TAF12: variants seen among roughly 807,000 people sequenced by gnomAD.
TAF12 encodes transcription initiation factor TFIID subunit 12.
A neutral mutation model predicts 20.8 loss-of-function variants in TAF12; 3 were observed. The ratio of observed to expected loss-of-function variants is 0.14; its 90% CI spans 0.07 to 0.37. TAF12 has a LOEUF of 0.37. Among genes scored for constraint, TAF12 ranks in the 10% least tolerant of loss-of-function variants. The probability of loss-of-function intolerance (pLI) is 1.00; values close to 1 mark genes in which losing one functional copy is unlikely to be tolerated. For synonymous variants in TAF12, 69 were observed against 70.2 expected, an observed-to-expected ratio of 0.98 and a Z score of 0.09; for missense variants, 131 against 197.9, an observed-to-expected ratio of 0.66 and a Z score of 2.03.
intron 2 of TAF12, among the ~76,000 whole-genome samples, chr1:28,618,872 C>G (rs912052319): frequency 5.9e-5 from 9 of 152,080 alleles, no homozygotes; most frequent in Admixed American, 3.3e-4. Context: ...ATGTTACATA[C>G]GTATGCCATT....
upstream of TAF12, among the ~76,000 whole-genome samples, chr1:28,644,709 A>C (rs1668139897): frequency 6.6e-6 from 1 of 152,260 alleles, no homozygotes; most frequent in Non-Finnish European, 1.5e-5. Context: ...CATGGTCTTC[A>C]GTAAGGAAAA....
upstream of TAF12, chr1:28,648,113 G>T: frequency 3.1e-6 from 3 of 969,870 alleles, no homozygotes; most frequent in Non-Finnish European, 3.7e-6. Context: ...GCCTGCCTGG[G>T]CTGCTCCAAG....
intron 1 of TAF12, 135 bp from the exon 2 acceptor site, chr1:28,622,300 A>G: frequency 1.3e-6 from 1 of 776,834 alleles, no homozygotes; most frequent in Non-Finnish European, 1.7e-6. Flanking sequence ...TGGTAGCATC[A>G]CTTGAGCCCA....
At position 28,621,973 on chromosome 1, in the gene TAF12, C is replaced by T. The variant is rs190752579; in HGVS notation, c.109G>A (p.Val37Met). 3.1e-5 allele frequency: 50 copies of T among 1,614,074 alleles called. No homozygotes were observed. In the African/African-American group the frequency reaches 6.3e-4, roughly 20 times the overall value. The change falls in exon 2 of 6, where the codon GTG (valine) becomes ATG (methionine). Residue 37 changes from valine (V) to methionine (M), a missense_variant. By Grantham distance (21) the Val-to-Met change is conservative. Coordinates refer to ENST00000373824, the MANE Select transcript of TAF12 (RefSeq NM_005644.4). ...PQGSMANSTA[V>M]VKIPGTPGAG... ...CCAGGAGTGCCTGGTATCTTTACCA[C>T]TGCAGTACTATTGGCCATGGAGCCT... is the stretch of plus-strand genomic sequence containing the variant.
At chr1:28,627,884 C>G (rs1006136600) in intron 1 of TAF12, among the ~76,000 whole-genome samples, 3 of 151,902 alleles carry the variant, frequency 2.0e-5, no homozygotes, top group African/African-American at 7.3e-5. Flanking sequence ...AACCAGACAC[C>G]CCCTGGTGCC....
intron 2 of TAF12, among the ~76,000 whole-genome samples, chr1:28,620,323 G>A (rs1667173295): frequency 6.6e-6 from 1 of 151,754 alleles, no homozygotes; most frequent in African/African-American, 2.4e-5. Context: ...TAGTAGAGAT[G>A]GGGTTTCAGC....
intron 1 of TAF12, among the ~76,000 whole-genome samples, chr1:28,637,609 G>C (rs550630555): frequency 1.1e-4 from 17 of 150,698 alleles, no homozygotes; most frequent in African/African-American, 4.1e-4. Context: ...AGGTTGCAGT[G>C]AGCCGAGATC....
chr1:28,608,818 G>A (rs913012705), intron 4 of TAF12, among the ~76,000 whole-genome samples: 3 of 151,766 alleles, frequency 2.0e-5, no homozygotes, highest in African/African-American at 7.3e-5. Flanking sequence ...GGGCGCCTAC[G>A]TAATCCCAGT....
intron 1 of TAF12, among the ~76,000 whole-genome samples, chr1:28,629,651 G>C (rs1667551670): frequency 6.6e-6 from 1 of 151,822 alleles, no homozygotes; most frequent in Non-Finnish European, 1.5e-5. Flanking sequence ...TTTTTTGTTT[G>C]TTTGTTTGCA....
At chr1:28,646,554 G>A (rs909225903), upstream of TAF12, among the ~76,000 whole-genome samples, 21 of 151,402 alleles carry the variant, frequency 1.4e-4, no homozygotes, top group East Asian at 3.9e-4. Flanking sequence ...TTTTTGAGAC[G>A]GAGTTCGCTC....
chr1:28,620,137 A>T (rs961358809), intron 2 of TAF12, among the ~76,000 whole-genome samples: 9 of 146,228 alleles, frequency 6.2e-5, no homozygotes, highest in South Asian at 2.2e-4. Context: ...AAGAAAAAAA[A>T]TTTTTTTTTT....
intron 1 of TAF12, among the ~76,000 whole-genome samples, chr1:28,624,618 G>T (rs990795458): frequency 6.6e-6 from 1 of 151,936 alleles, no homozygotes; most frequent in East Asian, 1.9e-4. Flanking sequence ...ATGGTGGCAC[G>T]TGCCTGTAAT....
intron 4 of TAF12, among the ~76,000 whole-genome samples, chr1:28,612,382 A>G (rs1666888519): frequency 6.6e-6 from 1 of 151,342 alleles, no homozygotes; most frequent in South Asian, 2.1e-4. Flanking sequence ...CCCAGGAGGT[A>G]GAGGTTGCTG....
At chr1:28,642,187 T>C (rs1037283443) in intron 1 of TAF12, among the ~76,000 whole-genome samples, 12 of 152,176 alleles carry the variant, frequency 7.9e-5, no homozygotes, top group Admixed American at 6.6e-4. Context: ...TGTTTGCATA[T>C]GGGCTTCCTA....
rs1056956433 is a variant in TAF12, at chr1:28,636,976, C to T, written c.-85+6016G>A. ...CCAGCCTGGAAAATAAAGCAAGACC[C>T]CATCTCTCAAAAAATACCAGTGTTT... On this transcript the variant is annotated intron_variant, in intron 1 of 5. Transcript: ENST00000373824. Among the ~76,000 whole-genome samples, 9 of 149,740 alleles carry T rather than the reference C, an allele frequency of 6.0e-5. 1 individual carries two copies. In the Admixed American group the frequency reaches 6.0e-4, roughly 10 times the overall value.
intron 5 of TAF12, among the ~76,000 whole-genome samples, chr1:28,604,438 G>A (rs1440490187): frequency 6.6e-6 from 1 of 152,156 alleles, no homozygotes; most frequent in Non-Finnish European, 1.5e-5. Context: ...CTAGCTACTA[G>A]CCAAATTAAC....
chr1:28,635,300 T>G (rs1667783962), intron 1 of TAF12, among the ~76,000 whole-genome samples: 1 of 130,992 alleles, frequency 7.6e-6, no homozygotes, highest in Non-Finnish European at 1.6e-5. Flanking sequence ...TTTTTTTTTT[T>G]TGAGATGGAG....
At chr1:28,622,643 T>A (rs1239461808) in intron 1 of TAF12, among the ~76,000 whole-genome samples, 1 of 151,882 alleles carries the variant, frequency 6.6e-6, no homozygotes, top group African/African-American at 2.4e-5. Flanking sequence ...AATCCCAGCA[T>A]GTTGGGTGCC....
rs1022195475 is a variant in TAF12 at position 28,605,520 on chromosome 1, A to G, written c.362-60T>C. ...CCAAGAAGGCAGTACCAGGAGTGCAATGTGACCCCCTTGGATCAGGGAGGA... is the reference window on the plus strand; with the variant it reads ...CCAAGAAGGCAGTACCAGGAGTGCAGTGTGACCCCCTTGGATCAGGGAGGA... On this transcript the variant is annotated intron_variant, in intron 4 of 5. Transcript: ENST00000373824. 2.6e-6 allele frequency: 4 copies of G among 1,530,020 alleles called. No individual in the cohort carries two copies. The African/African-American group carries it at 4.1e-5, about 16-fold the overall frequency. 94.8% of individuals were successfully genotyped at this position (1,530,020 alleles called of 1,614,324 possible).
Sources: gnomAD v4.1 joint callset for allele counts (sites outside exome capture counted in the v4.1 genomes callset) on GRCh38, gnomAD v4.1.1 for gene constraint, MANE v1.5 for transcripts, NCBI Gene and HGNC (gene_info 2026-07-23, HGNC 2026-07-21) for gene names.